The following PRKD1 variants were observed in gnomAD, a reference collection of about 807,000 sequenced individuals.
PRKD1 encodes the protein protein kinase D1, also known as serine/threonine-protein kinase D1.
A neutral mutation model predicts 95.9 loss-of-function variants in PRKD1; 63 were observed. The observed-to-expected ratio is 0.66, with a 90% CI of 0.54 to 0.81. The LOEUF (loss-of-function observed/expected upper bound fraction) is 0.81. Among genes scored for constraint, PRKD1 ranks in the 30% least tolerant of loss-of-function variants. The pLI is 0.00. For synonymous variants in PRKD1, 425 were observed against 423.1 expected (o/e 1.00, Z -0.05); for missense variants, 1,048 against 1,165.3 (o/e 0.90, Z 1.47).
chr14:29,785,548 CTTTA>C (rs1889232084), intron 1 of PRKD1, among the ~76,000 whole-genome samples: 1 of 151,438 alleles, frequency 6.6e-6, no homozygotes, highest in African/African-American at 2.4e-5. Flanking sequence ...TTTGGATGCT[CTTTA>C]TTTCTTTTTC....
chr14:29,720,509 C>G (rs752594691), intron 2 of PRKD1, among the ~76,000 whole-genome samples: 1 of 152,012 alleles, frequency 6.6e-6, no homozygotes, highest in Admixed American at 6.6e-5. Flanking sequence ...AAGCCGAGCA[C>G]GGTGGCTCAC....
intron 1 of PRKD1, among the ~76,000 whole-genome samples, chr14:29,821,441 A>G (rs926555902): frequency 1.3e-5 from 2 of 152,190 alleles, no homozygotes; most frequent in African/African-American, 4.8e-5. Flanking sequence ...ATGCTTTGCT[A>G]GATCCTGACT....
At chr14:29,749,600 T>C (rs1323305347) in intron 1 of PRKD1, among the ~76,000 whole-genome samples, 1 of 152,196 alleles carries the variant, frequency 6.6e-6, no homozygotes, top group Non-Finnish European at 1.5e-5. Flanking sequence ...TAATGGGTCG[T>C]TACTGATCCA....
chr14:29,704,909 C>T lies in PRKD1; in HGVS notation c.403+20627G>A, dbSNP rs1885005714. On this transcript the variant is annotated intron_variant, in intron 2 of 17. Coordinates refer to ENST00000331968, the MANE Select transcript of PRKD1 (RefSeq NM_002742.3). ...ACACAGACATACACACACAAATAGA[C>T]TCACACACAATTCGGTCCATGTGAT... Among the ~76,000 whole-genome samples, 3 of 152,086 alleles carry T rather than the reference C, an allele frequency of 2.0e-5. No individual in the cohort carries two copies. In the South Asian group the frequency reaches 6.2e-4, roughly 32 times the overall value.
At chr14:29,762,861 A>G (rs1047064567) in intron 1 of PRKD1, among the ~76,000 whole-genome samples, 15 of 152,164 alleles carry the variant, frequency 9.9e-5, no homozygotes, top group African/African-American at 3.6e-4. Flanking sequence ...CTAGTGCCTC[A>G]GCTTCCTAAG....
At chr14:29,685,427 T>C (rs1428916129) in intron 2 of PRKD1, among the ~76,000 whole-genome samples, 1 of 152,196 alleles carries the variant, frequency 6.6e-6, no homozygotes, top group Non-Finnish European at 1.5e-5. Context: ...TTGAAATATC[T>C]GAAAATCTTT....
chr14:29,754,207 T>G (rs1260524950), intron 1 of PRKD1, among the ~76,000 whole-genome samples: 1 of 152,204 alleles, frequency 6.6e-6, no homozygotes, highest in East Asian at 1.9e-4. Context: ...CATTAAAAGT[T>G]TCTTCCTCTA....
chr14:29,683,957 A>G (rs1883693797), intron 2 of PRKD1, among the ~76,000 whole-genome samples: 1 of 152,176 alleles, frequency 6.6e-6, no homozygotes, highest in Non-Finnish European at 1.5e-5. Context: ...ATCTGAACCC[A>G]ATGGCCATTT....
At chr14:29,745,126 G>A (rs1189208564) in intron 1 of PRKD1, among the ~76,000 whole-genome samples, 6 of 152,034 alleles carry the variant, frequency 3.9e-5, no homozygotes, top group East Asian at 1.9e-4. Flanking sequence ...CATTTTGCTC[G>A]TGTCACCTCC....
chr14:29,629,064 T>C lies in PRKD1; in HGVS notation c.1702A>G (p.Asn568Asp), dbSNP rs1456941976. The C allele has an allele frequency of 1.2e-6, 2 of 1,608,236 alleles. No individual in the cohort carries two copies. Among genetic ancestry groups the C allele is most frequent in the African/African-American group, 1.3e-5 (1 of 74,790 alleles). The change falls in exon 11 of 18, where the codon AAT becomes GAT. Residue 568 changes from asparagine to aspartate, a missense_variant. Physicochemically the swap from Asn to Asp is conservative, Grantham distance 23. Transcript: ENST00000331968. ...RDISVSISVS[N>D]CQIQENVDIS... Reference sequence around the variant, plus strand: ...ACCACATTTTCTTGAATCTGGCAATTTGATACTGAAATACTCACAGAGATA... The same window carrying C: ...ACCACATTTTCTTGAATCTGGCAATCTGATACTGAAATACTCACAGAGATA...
chr14:29,594,253 AT>A, intron 16 of PRKD1: 2 of 341,078 alleles, frequency 5.9e-6, no homozygotes, highest in Non-Finnish European at 1.2e-5. Context: ...AACTTATAAC[AT>A]TTTCTTTTGC....
chr14:29,917,042 G>T (rs1008748715), intron 1 of PRKD1, among the ~76,000 whole-genome samples: 5 of 152,150 alleles, frequency 3.3e-5, no homozygotes, highest in South Asian at 2.1e-4. Flanking sequence ...TGAGGAGTTA[G>T]AAGGGAGGGG....
Position 29,669,924 on chromosome 14 carries a change from C to T in PRKD1, c.404-3716G>A, listed in dbSNP as rs541333924. ...AAAACCAATATCTTCTTTAAACTTC[C>T]TTTCATTCACCCATAAACACACATT... On this transcript the variant is annotated intron_variant, in intron 2 of 17. Coordinates refer to ENST00000331968, the MANE Select transcript of PRKD1 (RefSeq NM_002742.3). Among the ~76,000 whole-genome samples the T allele has an allele frequency of 1.3e-3, 201 of 152,246 alleles. 1 individual carries two copies. Among genetic ancestry groups the T allele is most frequent in the African/African-American group, 4.3e-3 (177 of 41,558 alleles).
intron 1 of PRKD1, among the ~76,000 whole-genome samples, chr14:29,737,328 C>CAAAAAAAAAAAAAAA (rs796557046): frequency 5.3e-5 from 2 of 37,932 alleles, no homozygotes; most frequent in African/African-American, 9.8e-5. Context: ...GACTCCGTCT[C>CAAAAAAAAAAAAAAA]AAAAAAAAAA....
chr14:29,666,068 A>G lies in PRKD1; in HGVS notation c.535+9T>C. ...CACATTTAACTTGCATGGGAAGAAA[A>G]TAACTTACCTTCACATTTAAGACCT... On this transcript the variant is annotated intron_variant, in intron 3 of 17. Transcript: ENST00000331968. 6.3e-7 allele frequency: 1 copy of G among 1,578,724 alleles called. No individual in the cohort carries two copies. Among genetic ancestry groups the G allele is most frequent in the Non-Finnish European group, 8.7e-7 (1 of 1,155,762 alleles).
At chr14:29,874,130 T>A (rs990633170) in intron 1 of PRKD1, among the ~76,000 whole-genome samples, 2 of 152,316 alleles carry the variant, frequency 1.3e-5, no homozygotes, top group South Asian at 4.1e-4. Flanking sequence ...TCAGAGTTTT[T>A]CATAATCTCA....
chr14:29,623,136 T>C (rs986281104), intron 13 of PRKD1, among the ~76,000 whole-genome samples: 2 of 152,196 alleles, frequency 1.3e-5, no homozygotes, highest in African/African-American at 4.8e-5. Flanking sequence ...TTCTTCCCCA[T>C]GTAAGCAGAG....
intron 16 of PRKD1, among the ~76,000 whole-genome samples, chr14:29,592,113 A>T (rs1893150652): frequency 6.6e-6 from 1 of 152,162 alleles, no homozygotes; most frequent in Admixed American, 6.6e-5. Context: ...CTTTAAGCCT[A>T]ATCCGGTATG....
chr14:29,639,050 T>C, intron 4 of PRKD1, 146 bp from the exon 5 acceptor site: 1 of 607,076 alleles, frequency 1.6e-6, no homozygotes, highest in Non-Finnish European at 2.7e-6. Context: ...TGTTAATTAA[T>C]ATAATTTACT....
Sources: gnomAD v4.1 joint callset for allele counts (sites outside exome capture counted in the v4.1 genomes callset) on GRCh38, gnomAD v4.1.1 for gene constraint, MANE v1.5 for transcripts, NCBI Gene and HGNC (gene_info 2026-07-23, HGNC 2026-07-21) for gene names.